KCNK2: variants seen among roughly 807,000 people sequenced by gnomAD.
KCNK2 encodes potassium two pore domain channel subfamily K member 2, also known as potassium channel subfamily K member 2.
A neutral mutation model predicts 40.5 loss-of-function variants in KCNK2; 21 were observed. The observed-to-expected ratio is 0.52, with a 90% CI of 0.37 to 0.75. KCNK2 has a LOEUF of 0.75. KCNK2 is among the 30% of genes least tolerant of loss of function. KCNK2 has a pLI of 0.00. For synonymous variants in KCNK2, 191 were observed against 202.2 expected (o/e 0.94, Z 0.47); for missense variants, 399 against 531.6 (o/e 0.75, Z 2.45).
intron 3 of KCNK2, among the ~76,000 whole-genome samples, chr1:215,134,340 G>T (rs1661806584): frequency 6.6e-6 from 1 of 152,134 alleles, no homozygotes; most frequent in African/African-American, 2.4e-5. Flanking sequence ...GAGCCTCCCT[G>T]GGTTTCATCT....
chr1:215,183,990 G>T (rs375522687), intron 5 of KCNK2, among the ~76,000 whole-genome samples: 7 of 152,226 alleles, frequency 4.6e-5, no homozygotes, highest in South Asian at 2.1e-4. Flanking sequence ...ACAAAGCTTT[G>T]CTTTTGGTCA....
intron 1 of KCNK2, among the ~76,000 whole-genome samples, chr1:215,012,638 A>G (rs567830554): frequency 1.6e-5 from 2 of 127,784 alleles, no homozygotes; most frequent in Non-Finnish European, 3.2e-5. Context: ...CACCCAGCTA[A>G]TTTTTTAGTT....
At chr1:215,212,217 T>G (rs1277267797) in intron 6 of KCNK2, among the ~76,000 whole-genome samples, 4 of 152,192 alleles carry the variant, frequency 2.6e-5, no homozygotes, top group Admixed American at 6.5e-5. Flanking sequence ...TTTGCATGTT[T>G]AATACTTACA....
intron 1 of KCNK2, among the ~76,000 whole-genome samples, chr1:215,009,062 A>G (rs886328793): frequency 3.9e-5 from 6 of 152,170 alleles, no homozygotes; most frequent in Admixed American, 6.5e-5. Flanking sequence ...AAGCCACTGT[A>G]GCCAACAAAG....
chr1:215,121,140 C>G (rs1475942735), intron 2 of KCNK2, among the ~76,000 whole-genome samples: 1 of 152,052 alleles, frequency 6.6e-6, no homozygotes, highest in African/African-American at 2.4e-5. Context: ...GATAAAATGC[C>G]ATTATTTTAA....
chr1:215,027,574 C>G lies in KCNK2; in HGVS notation c.34+21619C>G, dbSNP rs144760750. ...TCTTCTTGCACACCCAGAGTAAACC[C>G]TACTTGGCCAGTTTGGGGTTTTCTG... On this transcript the variant is annotated intron_variant, in intron 1 of 6. Transcript: ENST00000391895. Among the ~76,000 whole-genome samples, 9 of 152,254 alleles carry G rather than the reference C, an allele frequency of 5.9e-5. No individual in the cohort carries two copies. The East Asian group carries it at 1.2e-3, about 20-fold the overall frequency.
intron 6 of KCNK2, among the ~76,000 whole-genome samples, chr1:215,210,933 C>A (rs1202545392): frequency 6.6e-6 from 1 of 152,130 alleles, no homozygotes; most frequent in Non-Finnish European, 1.5e-5. Flanking sequence ...AATCCAATCA[C>A]TTCTCACTTG....
intron 6 of KCNK2, among the ~76,000 whole-genome samples, chr1:215,210,021 ATATATTATATATAATATATATAAT>A (rs1265752851): frequency 3.6e-4 from 18 of 50,466 alleles, no homozygotes; most frequent in East Asian, 2.0e-3. Context: ...AATATATAAT[ATATATTATATATAATATATATAAT>A]ATATATATAC....
chr1:215,085,937 T>C (rs1558083742), intron 1 of KCNK2, among the ~76,000 whole-genome samples: 1 of 152,250 alleles, frequency 6.6e-6, no homozygotes, highest in Non-Finnish European at 1.5e-5. Context: ...GCTTGTGATA[T>C]AAAGTTCTTG....
At chr1:215,136,911 A>G (rs1184315189) in intron 3 of KCNK2, among the ~76,000 whole-genome samples, 2 of 152,212 alleles carry the variant, frequency 1.3e-5, no homozygotes, top group Non-Finnish European at 2.9e-5. Context: ...AAGTCATTTA[A>G]CATGATAAAA....
chr1:215,128,432 A>G (rs1661529420), intron 3 of KCNK2, among the ~76,000 whole-genome samples: 1 of 152,218 alleles, frequency 6.6e-6, no homozygotes, highest in African/African-American at 2.4e-5. Flanking sequence ...AGGAGTACAA[A>G]GGAAGTAAGG....
rs1405148942 is a variant in KCNK2 at position 215,169,316 on chromosome 1, C to G, written c.593C>G (p.Thr198Ser). ...LLAGVGDQLG[T>S]IFGKGIAKVE... ...GCTGGAGTTGGAGATCAGCTAGGCACCATATTTGGAAAAGGAATTGCCAAA... is the reference window on the plus strand; with the variant it reads ...GCTGGAGTTGGAGATCAGCTAGGCAGCATATTTGGAAAAGGAATTGCCAAA... The change falls in exon 4 of 7, where the codon ACC becomes AGC. Residue 198 changes from threonine (T) to serine (S), a missense_variant. Thr to Ser is a moderately conservative substitution (Grantham distance 58). Coordinates refer to ENST00000444842, the MANE Select transcript of KCNK2 (RefSeq NM_001017425.3). The G allele has an allele frequency of 3.7e-6, 6 of 1,612,818 alleles. 1 individual carries two copies. The Admixed American group carries it at 1.0e-4, about 27-fold the overall frequency.
intron 6 of KCNK2, among the ~76,000 whole-genome samples, chr1:215,230,507 G>GTATATATATATATA (rs201898524): frequency 2.9e-4 from 19 of 65,548 alleles, no homozygotes; most frequent in Non-Finnish European, 4.3e-4. Flanking sequence ...ACACACGGCT[G>GTATATATATATATA]TATATATATA....
chr1:215,144,516 C>T (rs145468975), intron 3 of KCNK2, among the ~76,000 whole-genome samples: 1 of 152,164 alleles, frequency 6.6e-6, no homozygotes, highest in East Asian at 1.9e-4. Flanking sequence ...TTCCTTACAC[C>T]CTTATTTCAA....
intron 2 of KCNK2, among the ~76,000 whole-genome samples, chr1:215,118,319 T>C (rs551592026): frequency 6.6e-6 from 1 of 152,302 alleles, no homozygotes; most frequent in Non-Finnish European, 1.5e-5. Context: ...GTGATGATTA[T>C]TTTTGTGCTG....
intron 2 of KCNK2, among the ~76,000 whole-genome samples, chr1:215,123,947 T>A: frequency 6.6e-6 from 1 of 152,180 alleles, no homozygotes; most frequent in Admixed American, 6.5e-5. Flanking sequence ...CTACTCAACA[T>A]TCTCAGCAAT....
At chr1:215,016,467 C>T (rs1041748423) in intron 1 of KCNK2, among the ~76,000 whole-genome samples, 3 of 152,102 alleles carry the variant, frequency 2.0e-5, no homozygotes, top group Non-Finnish European at 2.9e-5. Flanking sequence ...TTATGGCCAA[C>T]TGATTTTTGA....
At chr1:215,020,589 C>T (rs1656755895) in intron 1 of KCNK2, among the ~76,000 whole-genome samples, 1 of 152,058 alleles carries the variant, frequency 6.6e-6, no homozygotes, top group African/African-American at 2.4e-5. Context: ...CCATGCCCAG[C>T]TAATTTTTTG....
rs376408641 is a variant in KCNK2, at chr1:215,070,717, T to A, written c.35-15651T>A. On this transcript the variant is annotated intron_variant, in intron 1 of 6. Transcript: ENST00000391895. ...GAATTATGAGAGCTACGGTTCAAGA[T>A]GAGATTTGAGTAGAGACACAGACAA... Among the ~76,000 whole-genome samples the A allele has an allele frequency of 6.3e-4, 96 of 152,244 alleles. 1 individual carries two copies. The South Asian group carries it at 0.02, about 31-fold the overall frequency.
Sources: gnomAD v4.1 joint callset for allele counts (sites outside exome capture counted in the v4.1 genomes callset) on GRCh38, gnomAD v4.1.1 for gene constraint, MANE v1.5 for transcripts, NCBI Gene and HGNC (gene_info 2026-07-23, HGNC 2026-07-21) for gene names.